Variants in CSMD1 observed in about 807,000 individuals in gnomAD.
CSMD1 encodes CUB and Sushi multiple domains 1, also known as CUB and sushi domain-containing protein 1.
CSMD1 carries 213 observed loss-of-function variants against 417.5 expected under a neutral mutation model. The ratio of observed to expected loss-of-function variants is 0.51; its 90% CI spans 0.46 to 0.57. The LOEUF is 0.57. Ranked by LOEUF, CSMD1 falls within the 20% of genes least tolerant of loss-of-function variation. The pLI, the probability that CSMD1 is intolerant of heterozygous loss-of-function variation, is 0.00. For missense variants in CSMD1, 6,923 were observed against 4,529.7 expected (o/e 1.53, Z -15.17); for synonymous variants, 2,862 against 1,736.8 (o/e 1.65, Z -16.11).
At chr8:4,088,822 A>G (rs1800563765) in intron 3 of CSMD1, among the ~76,000 whole-genome samples, 1 of 152,044 alleles carries the variant, frequency 6.6e-6, no homozygotes, top group Non-Finnish European at 1.5e-5. Context: ...ATGTGGACTC[A>G]TCCCTCCCTC....
At position 2,938,418 on chromosome 8, in the gene CSMD1, C is replaced by A; in HGVS notation, c.*167G>T. 3.1e-6 allele frequency: 2 copies of A among 635,744 alleles called. No individual in the cohort carries two copies. Among genetic ancestry groups the A allele is most frequent in the Non-Finnish European group, 2.6e-6 (1 of 379,488 alleles). 39.4% of individuals were successfully genotyped at this position (635,744 alleles called of 1,614,324 possible). On this transcript the variant is annotated 3_prime_UTR_variant, in exon 70 of 70. Transcript: ENST00000635120. ...TGTGTAGTTTGATCCGTAGAAGACC[C>A]TGACACATTTGAGTAGAGATCCCCG...
intron 2 of CSMD1, among the ~76,000 whole-genome samples, chr8:4,466,746 T>G: frequency 6.6e-6 from 1 of 152,274 alleles, no homozygotes; most frequent in African/African-American, 2.4e-5. Flanking sequence ...TTTCCAATAA[T>G]ACTATATTTA....
At chr8:3,652,156 C>T (rs1316330562) in intron 7 of CSMD1, among the ~76,000 whole-genome samples, 5 of 151,132 alleles carry the variant, frequency 3.3e-5, no homozygotes, top group Non-Finnish European at 7.4e-5. Flanking sequence ...CGCTTACCAC[C>T]ATCAGAGCGC....
intron 3 of CSMD1, among the ~76,000 whole-genome samples, chr8:4,258,208 G>A (rs577138039): frequency 3.2e-4 from 48 of 148,684 alleles, no homozygotes; most frequent in Non-Finnish European, 5.3e-4. Flanking sequence ...GCCTTCCAAA[G>A]TTCTGAGATT....
intron 3 of CSMD1, among the ~76,000 whole-genome samples, chr8:4,399,394 G>C (rs571003198): frequency 2.6e-5 from 4 of 152,268 alleles, no homozygotes; most frequent in East Asian, 1.9e-4. Context: ...TTCAAACATA[G>C]GCAAGGGCTA....
chr8:3,093,563 G>T (rs1037692708), intron 47 of CSMD1, among the ~76,000 whole-genome samples: 2 of 152,138 alleles, frequency 1.3e-5, no homozygotes, highest in Non-Finnish European at 2.9e-5. Flanking sequence ...AGCTACTCAG[G>T]AGGCTGAGGC....
At chr8:3,895,189 G>C (rs768023564) in intron 5 of CSMD1, among the ~76,000 whole-genome samples, 11 of 152,282 alleles carry the variant, frequency 7.2e-5, no homozygotes, top group Admixed American at 2.6e-4. Flanking sequence ...AAAGTTTCCT[G>C]TTACTAAGAA....
At chr8:4,751,986 A>G (rs1203668336) in intron 1 of CSMD1, among the ~76,000 whole-genome samples, 1 of 152,238 alleles carries the variant, frequency 6.6e-6, no homozygotes, top group African/African-American at 2.4e-5. Context: ...ACGACTGTAT[A>G]TATGCGTGTA....
chr8:4,905,635 C>A (rs111629263), intron 1 of CSMD1, among the ~76,000 whole-genome samples: 96 of 151,328 alleles, frequency 6.3e-4, no homozygotes, highest in Admixed American at 2.6e-3. Flanking sequence ...CTGGCTAACA[C>A]GGTGAAACCC....
chr8:3,042,311 C>A (rs1464543607), intron 50 of CSMD1, among the ~76,000 whole-genome samples: 1 of 151,828 alleles, frequency 6.6e-6, no homozygotes, highest in African/African-American at 2.4e-5. Flanking sequence ...CCAAACTGAC[C>A]TTTTGGCCTG....
chr8:4,563,275 C>G (rs1798434220), intron 2 of CSMD1, among the ~76,000 whole-genome samples: 1 of 152,246 alleles, frequency 6.6e-6, no homozygotes, highest in African/African-American at 2.4e-5. Flanking sequence ...GTGGCGGGCA[C>G]CTGTAGTCCC....
chr8:4,891,229 A>G (rs1804102416), intron 1 of CSMD1, among the ~76,000 whole-genome samples: 1 of 152,118 alleles, frequency 6.6e-6, no homozygotes, highest in Non-Finnish European at 1.5e-5. Flanking sequence ...AAGAGGTAAA[A>G]TTCTATGTGC....
chr8:3,974,105 C>CT (rs993415683), intron 5 of CSMD1, among the ~76,000 whole-genome samples: 1 of 152,006 alleles, frequency 6.6e-6, no homozygotes, highest in African/African-American at 2.4e-5. Context: ...TTTCTAATTA[C>CT]TTTTTGTACC....
chr8:4,290,317 T>C (rs575171587), intron 3 of CSMD1, among the ~76,000 whole-genome samples: 4 of 152,132 alleles, frequency 2.6e-5, no homozygotes, highest in Non-Finnish European at 5.9e-5. Context: ...TTTCAGATGG[T>C]CGTGTTTGAA....
chr8:3,589,644 A>C (rs1469904537), intron 8 of CSMD1, among the ~76,000 whole-genome samples: 1 of 152,064 alleles, frequency 6.6e-6, no homozygotes, highest in Non-Finnish European at 1.5e-5. Context: ...AATAATACAA[A>C]ATTTCACTTA....
At chr8:3,028,566 T>C (rs1197574426) in intron 51 of CSMD1, among the ~76,000 whole-genome samples, 1 of 152,232 alleles carries the variant, frequency 6.6e-6, no homozygotes, top group Non-Finnish European at 1.5e-5. Flanking sequence ...TATCTTTGTG[T>C]TCCTGGTGAA....
At chr8:3,863,300 G>C (rs1336951153) in intron 5 of CSMD1, among the ~76,000 whole-genome samples, 1 of 151,746 alleles carries the variant, frequency 6.6e-6, no homozygotes, top group African/African-American at 2.4e-5. Context: ...AGGAGGCTGA[G>C]GCAGGAGAAT....
chr8:3,446,398 G>C (rs1029802971), intron 12 of CSMD1, among the ~76,000 whole-genome samples: 6 of 152,180 alleles, frequency 3.9e-5, no homozygotes, highest in African/African-American at 1.4e-4. Context: ...CTGAGGATCT[G>C]TCCTCTCTGT....
chr8:3,904,278 G>C (rs1050525389), intron 5 of CSMD1, among the ~76,000 whole-genome samples: 5 of 152,148 alleles, frequency 3.3e-5, no homozygotes, highest in Non-Finnish European at 4.4e-5. Flanking sequence ...ACAAATCATA[G>C]GTTCTTCCTG....
Sources: allele counts gnomAD v4.1 joint callset (sites outside exome capture counted in the v4.1 genomes callset), GRCh38; gene constraint gnomAD v4.1.1; transcripts MANE v1.5; gene names NCBI Gene and HGNC (gene_info 2026-07-23, HGNC 2026-07-21).